Variants in ROR1 observed in about 807,000 individuals in gnomAD.
ROR1 encodes inactive tyrosine-protein kinase transmembrane receptor ROR1.
ROR1 carries 19 observed loss-of-function variants against 78.8 expected under a neutral mutation model. That is an observed-to-expected ratio of 0.24 (90% CI 0.17 to 0.35). ROR1 has a LOEUF of 0.35. Ranked by LOEUF, ROR1 falls within the 10% of genes least tolerant of loss-of-function variation. The pLI, the probability that ROR1 is intolerant of heterozygous loss-of-function variation, is 1.00. For missense variants in ROR1, 917 were observed against 1,177.8 expected (o/e 0.78, Z 3.24); for synonymous variants, 386 against 433.6 (o/e 0.89, Z 1.36).
intron 1 of ROR1, among the ~76,000 whole-genome samples, chr1:63,878,354 G>A (rs946303724): frequency 7.2e-5 from 11 of 152,122 alleles, no homozygotes; most frequent in East Asian, 1.9e-4. Flanking sequence ...ATTCCTTGAC[G>A]ATGAGGAACT....
chr1:63,777,860 T>C (rs1644626855), intron 1 of ROR1, among the ~76,000 whole-genome samples: 1 of 152,242 alleles, frequency 6.6e-6, no homozygotes, highest in African/African-American at 2.4e-5. Flanking sequence ...TACACACATA[T>C]ATAGTAAGTG....
intron 7 of ROR1, among the ~76,000 whole-genome samples, chr1:64,146,335 G>A (rs1281507875): frequency 6.6e-6 from 1 of 152,180 alleles, no homozygotes; most frequent in African/African-American, 2.4e-5. Flanking sequence ...AATTAGCCAG[G>A]TGTGGTGGCA....
At chr1:64,133,605 G>C (rs1458303062) in intron 4 of ROR1, among the ~76,000 whole-genome samples, 1 of 152,214 alleles carries the variant, frequency 6.6e-6, no homozygotes, top group Admixed American at 6.5e-5. Context: ...AGAAACATGA[G>C]CTCCCATCAC....
chr1:63,825,578 G>A (rs1644948177), intron 1 of ROR1, among the ~76,000 whole-genome samples: 1 of 152,176 alleles, frequency 6.6e-6, no homozygotes, highest in South Asian at 2.1e-4. Flanking sequence ...TGACGGAAAT[G>A]TTTTAAAAGT....
At chr1:64,174,043 C>T (rs529986643) in intron 8 of ROR1, among the ~76,000 whole-genome samples, 2 of 152,196 alleles carry the variant, frequency 1.3e-5, no homozygotes, top group African/African-American at 2.4e-5. Flanking sequence ...AAGTTAAACA[C>T]TCTGCAACTA....
At chr1:64,060,288 A>T (rs570086160) in intron 4 of ROR1, among the ~76,000 whole-genome samples, 20 of 152,282 alleles carry the variant, frequency 1.3e-4, no homozygotes, top group South Asian at 1.0e-3. Flanking sequence ...TATTACTAAC[A>T]GTATCATCAT....
chr1:63,811,981 G>A (rs1306896882), intron 1 of ROR1, among the ~76,000 whole-genome samples: 1 of 126,588 alleles, frequency 7.9e-6, no homozygotes, highest in Admixed American at 7.7e-5. Context: ...TTTTTTTTGA[G>A]ACAGAGTCTC....
At chr1:64,169,812 A>G (rs896220369) in intron 8 of ROR1, among the ~76,000 whole-genome samples, 6 of 152,206 alleles carry the variant, frequency 3.9e-5, no homozygotes, top group Admixed American at 2.0e-4. Context: ...GCCATTCCAA[A>G]TGGGAGAAAT....
chr1:63,946,720 C>G (rs902161968), intron 1 of ROR1, among the ~76,000 whole-genome samples: 1 of 152,152 alleles, frequency 6.6e-6, no homozygotes, highest in Non-Finnish European at 1.5e-5. Context: ...AAATCATGGC[C>G]TCTTTCTTCT....
intron 1 of ROR1, among the ~76,000 whole-genome samples, chr1:63,983,454 G>A (rs1646227007): frequency 6.6e-6 from 1 of 152,118 alleles, no homozygotes; most frequent in Admixed American, 6.5e-5. Flanking sequence ...TAGAAGTGAT[G>A]GCTGAGAAAC....
chr1:64,113,318 C>T (rs1648183730), intron 4 of ROR1, among the ~76,000 whole-genome samples: 1 of 152,192 alleles, frequency 6.6e-6, no homozygotes, highest in African/African-American at 2.4e-5. Flanking sequence ...CACACCATAT[C>T]TATGGAAAGA....
intron 1 of ROR1, among the ~76,000 whole-genome samples, chr1:63,954,496 G>A (rs1311714520): frequency 6.6e-6 from 1 of 152,200 alleles, no homozygotes. Context: ...TCTGCCATAA[G>A]CAGTGTTAAA....
rs190664686 is a variant in ROR1 at position 64,089,365 on chromosome 1, A to G, written c.482+38649A>G. Among the ~76,000 whole-genome samples the G allele has an allele frequency of 3.8e-3, 585 of 152,130 alleles. 6 individuals are homozygous for G. The highest frequency in any genetic ancestry group is 0.013 in the African/African-American group (544 of 41,532). On this transcript the variant is annotated intron_variant, in intron 4 of 8. Coordinates refer to ENST00000371079, the MANE Select transcript of ROR1 (RefSeq NM_005012.4). ...GCTGGGACTACAGGCACATGCCACA[A>G]TGCCCAGCTAATTTTTCGTATTTTT...
intron 1 of ROR1, among the ~76,000 whole-genome samples, chr1:63,937,463 G>A (rs1645802808): frequency 6.6e-6 from 1 of 151,872 alleles, no homozygotes; most frequent in South Asian, 2.1e-4. Flanking sequence ...ACTTTAGAGC[G>A]CAGACATCCT....
In ROR1 at chr1:64,062,323, G is replaced by T. The variant is rs377367598; in HGVS notation, c.482+11607G>T. ...TGTTTTTGTTGTTATTGTTGTTGTT[G>T]TTGTTTTAGATGGAGTCTTGCTCTG... On this transcript the variant is annotated intron_variant, in intron 4 of 8. Transcript: ENST00000371079. Among the ~76,000 whole-genome samples the T allele has an allele frequency of 3.3e-5, 5 of 152,056 alleles. No homozygotes were observed. In the East Asian group the frequency reaches 9.7e-4, roughly 29 times the overall value.
chr1:64,050,656 GTTTCT>G (rs748863237), intron 3 of ROR1, 25 bp from the exon 4 acceptor site: 1 of 1,610,946 alleles, frequency 6.2e-7, no homozygotes, highest in Non-Finnish European at 8.5e-7. Flanking sequence ...TAGACTGACT[GTTTCT>G]TTTGTTTTTC....
At chr1:63,970,086 C>T (rs899818613) in intron 1 of ROR1, among the ~76,000 whole-genome samples, 2 of 152,094 alleles carry the variant, frequency 1.3e-5, no homozygotes, top group African/African-American at 4.8e-5. Flanking sequence ...TCTTCCTCCC[C>T]CACTCCTTCC....
intron 2 of ROR1, among the ~76,000 whole-genome samples, chr1:64,018,724 A>G (rs1646541146): frequency 6.6e-6 from 1 of 152,202 alleles, no homozygotes; most frequent in Non-Finnish European, 1.5e-5. Context: ...ATCAGAAGTC[A>G]TGTCTTCTTT....
At chr1:63,847,927 G>C (rs1297895849) in intron 1 of ROR1, among the ~76,000 whole-genome samples, 1 of 152,146 alleles carries the variant, frequency 6.6e-6, no homozygotes, top group African/African-American at 2.4e-5. Flanking sequence ...AGTTATGTGA[G>C]GTGGCTAAGT....
Sources: gnomAD v4.1 joint callset for allele counts (sites outside exome capture counted in the v4.1 genomes callset) on GRCh38, gnomAD v4.1.1 for gene constraint, MANE v1.5 for transcripts, NCBI Gene and HGNC (gene_info 2026-07-23, HGNC 2026-07-21) for gene names.